Variants in CYBRD1 observed in about 807,000 individuals in gnomAD.
CYBRD1 encodes the protein plasma membrane ascorbate-dependent reductase CYBRD1.
In CYBRD1, 14 loss-of-function variants were observed where a neutral mutation model predicts 21.9. That is an observed-to-expected ratio of 0.64 (90% CI 0.42 to 1.00). CYBRD1 has a LOEUF of 1.00. Ranked by LOEUF, CYBRD1 falls within the 50% of genes least tolerant of loss-of-function variation. The pLI is 0.00. For synonymous variants in CYBRD1, 146 were observed against 136.5 expected (o/e 1.07, Z -0.48); for missense variants, 328 against 352.5 (o/e 0.93, Z 0.56).
intron 2 of CYBRD1, among the ~76,000 whole-genome samples, chr2:171,548,808 A>AG (rs1385048087): frequency 6.6e-6 from 1 of 151,676 alleles, no homozygotes; most frequent in Non-Finnish European, 1.5e-5. Context: ...AAGAAAAAAA[A>AG]CCAACCTCAG....
upstream of CYBRD1, chr2:171,522,306 C>A: frequency 1.3e-6 from 2 of 1,539,370 alleles, no homozygotes; most frequent in Non-Finnish European, 1.8e-6. The surrounding 1 kb of genome is among the most constrained non-coding windows in gnomAD (Gnocchi z 4.3). Flanking sequence ...GGCCACCAGG[C>A]AATGAGCGCC....
chr2:171,554,973 T>C lies in CYBRD1; in HGVS notation c.*146T>C. On this transcript the variant is annotated 3_prime_UTR_variant, in exon 4 of 4. Transcript: ENST00000321348. ...GGATGGTTTCTTGAAATAATTTGTATTGATTGAGGCCTATGAACTGACCTG... is the reference window on the plus strand; with the variant it reads ...GGATGGTTTCTTGAAATAATTTGTACTGATTGAGGCCTATGAACTGACCTG... 1 of 872,922 alleles carries C rather than the reference T, an allele frequency of 1.1e-6. No individual in the cohort carries two copies. Among genetic ancestry groups the C allele is most frequent in the Non-Finnish European group, 1.8e-6 (1 of 553,134 alleles). The allele number at this position is 872,922 out of a possible 1,614,324, so 54.1% of individuals were successfully genotyped here. A position where few individuals can be genotyped will look rare whatever the true frequency, so the allele number is the denominator to read the frequency against.
At chr2:171,541,845 G>T in intron 2 of CYBRD1, 52 bp downstream of exon 2, 983 of 1,125,662 alleles carry the variant, frequency 8.7e-4, no homozygotes, top group Non-Finnish European at 1.2e-3. Context: ...TTCAGAGACT[G>T]TAAATGTTTT....
rs6746474 is a variant in CYBRD1, at chr2:171,555,045, T to G, written c.*218T>G. On this transcript the variant is annotated 3_prime_UTR_variant, in exon 4 of 4. Transcript: ENST00000321348. ...TATAAATAATAGCAGATATAAATTG[T>G]GGTTATGTTACCTTTATCTTGTTGA... is the stretch of plus-strand genomic sequence containing the variant. 1.3e-3 allele frequency: 789 copies of G among 592,196 alleles called. 6 individuals are homozygous for G. In the African/African-American group the frequency reaches 0.014, roughly 10 times the overall value. The allele number at this position is 592,196 out of a possible 1,614,324, so 36.7% of individuals were successfully genotyped here. A position where few individuals can be genotyped will look rare whatever the true frequency, so the allele number is the denominator to read the frequency against.
intron 1 of CYBRD1, chr2:171,523,230 G>A (rs1316923399): frequency 5.0e-6 from 2 of 400,276 alleles, no homozygotes; most frequent in South Asian, 1.9e-5. Flanking sequence ...TTGCTTCCAG[G>A]CTGCAGATGA....
intron 1 of CYBRD1, among the ~76,000 whole-genome samples, chr2:171,533,888 T>C (rs1697508981): frequency 6.6e-6 from 1 of 151,784 alleles, no homozygotes; most frequent in Admixed American, 6.6e-5. Flanking sequence ...TATTTTTTTA[T>C]AGAGACAGGG....
rs1395386147 is a variant in CYBRD1, at chr2:171,554,619, T to C, written c.653T>C (p.Ile218Thr). The change falls in exon 4 of 4, where the codon ATA (isoleucine) becomes ACA (threonine). Residue 218 changes from isoleucine (I) to threonine (T), a missense_variant. Coordinates refer to ENST00000321348, the MANE Select transcript of CYBRD1 (RefSeq NM_024843.4). The stretch of plus-strand genomic sequence containing the variant: ...GTGTTCGGGGCCCTCATTTTTTGGA[T>C]AGTCACCAGACCGCAATGGAAACGT... Reference protein sequence around the residue: ...ILVFGALIFWIVTRPQWKRPK... With the variant: ...ILVFGALIFWTVTRPQWKRPK... 1.2e-6 allele frequency: 2 copies of C among 1,614,088 alleles called. No homozygotes were observed. The highest frequency in any genetic ancestry group is 2.2e-5 in the East Asian group (1 of 44,882).
At chr2:171,528,382 G>A (rs749083297) in intron 1 of CYBRD1, among the ~76,000 whole-genome samples, 1 of 151,800 alleles carries the variant, frequency 6.6e-6, no homozygotes, top group Non-Finnish European at 1.5e-5. Context: ...ACCACGTCTG[G>A]CCGGGACACT....
intron 2 of CYBRD1, among the ~76,000 whole-genome samples, chr2:171,542,484 C>A (rs1697649525): frequency 6.6e-6 from 1 of 151,898 alleles, no homozygotes; most frequent in Admixed American, 6.6e-5. Context: ...ACTGTCTCTA[C>A]AAATAAAGGA....
intron 1 of CYBRD1, among the ~76,000 whole-genome samples, chr2:171,533,796 A>G (rs1264840902): frequency 6.7e-6 from 1 of 149,580 alleles, no homozygotes; most frequent in Non-Finnish European, 1.5e-5. Flanking sequence ...TTGAGACAGA[A>G]ACTCCAGCTC....
intron 1 of CYBRD1, among the ~76,000 whole-genome samples, chr2:171,538,287 A>T (rs1697574731): frequency 6.6e-6 from 1 of 152,174 alleles, no homozygotes; most frequent in South Asian, 2.1e-4. Context: ...ACAGAGATTT[A>T]AAAAATACTT....
In CYBRD1 at chr2:171,535,732, G is replaced by A. The variant is rs1321318492; in HGVS notation, c.194-5853G>A. ...CAGCTCACTACAACCTCCACCTCCTGGGCTCAAGCAATCCTCCTGCCTCAG... is the reference window on the plus strand; with the variant it reads ...CAGCTCACTACAACCTCCACCTCCTAGGCTCAAGCAATCCTCCTGCCTCAG... On this transcript the variant is annotated intron_variant, in intron 1 of 3. Coordinates refer to ENST00000321348, the MANE Select transcript of CYBRD1 (RefSeq NM_024843.4). Among the ~76,000 whole-genome samples the A allele has an allele frequency of 2.0e-5, 3 of 152,098 alleles. No homozygotes were observed. In the East Asian group the frequency reaches 5.8e-4, roughly 29 times the overall value.
At chr2:171,553,274 GCTTTTTAA>G in intron 2 of CYBRD1, 64 bp from the exon 3 acceptor site, 1 of 1,547,318 alleles carries the variant, frequency 6.5e-7, no homozygotes, top group Non-Finnish European at 8.8e-7. Context: ...TACACATATT[GCTTTTTAA>G]ATAATTTAAA....
chr2:171,543,112 C>T (rs1697660645), intron 2 of CYBRD1, among the ~76,000 whole-genome samples: 2 of 152,104 alleles, frequency 1.3e-5, no homozygotes, highest in Admixed American at 6.6e-5. Context: ...TTACCACAGA[C>T]TTAATGGCCT....
At chr2:171,547,893 T>C (rs1697739952) in intron 2 of CYBRD1, among the ~76,000 whole-genome samples, 1 of 152,062 alleles carries the variant, frequency 6.6e-6, no homozygotes, top group Non-Finnish European at 1.5e-5. Flanking sequence ...GATGCTAGTC[T>C]CTGTGGTTGT....
chr2:171,531,719 G>T (rs1378545445), intron 1 of CYBRD1, among the ~76,000 whole-genome samples: 2 of 152,116 alleles, frequency 1.3e-5, no homozygotes, highest in Non-Finnish European at 2.9e-5. Flanking sequence ...TCATTTTAGA[G>T]ACCAAATGTC....
intron 1 of CYBRD1, among the ~76,000 whole-genome samples, chr2:171,532,176 C>G (rs1697476614): frequency 6.6e-6 from 1 of 152,178 alleles, no homozygotes; most frequent in South Asian, 2.1e-4. Flanking sequence ...TGGATAGAAT[C>G]TGGTAAGCTC....
intron 1 of CYBRD1, among the ~76,000 whole-genome samples, chr2:171,536,531 C>T (rs1697548726): frequency 6.6e-6 from 1 of 152,166 alleles, no homozygotes; most frequent in Non-Finnish European, 1.5e-5. Context: ...GTCTCAAACT[C>T]CTGACTTCAA....
At chr2:171,535,400 C>G (rs1329496481) in intron 1 of CYBRD1, among the ~76,000 whole-genome samples, 1 of 152,164 alleles carries the variant, frequency 6.6e-6, no homozygotes, top group Non-Finnish European at 1.5e-5. Context: ...TAGCGTGCAG[C>G]CAATTTGCGT....
Sources: gnomAD v4.1 joint callset for allele counts (sites outside exome capture counted in the v4.1 genomes callset) on GRCh38, gnomAD v4.1.1 for gene constraint, Gnocchi (gnomAD v3.1) non-coding constraint, MANE v1.5 for transcripts, NCBI Gene and HGNC (gene_info 2026-07-23, HGNC 2026-07-21) for gene names.